Variants in PTP4A2 observed in about 807,000 individuals in gnomAD.
PTP4A2 encodes the protein protein tyrosine phosphatase 4A2.
In PTP4A2, 2 loss-of-function variants were observed where a neutral mutation model predicts 22.9. That is an observed-to-expected ratio of 0.09 (90% confidence interval 0.04 to 0.27). PTP4A2 has a LOEUF of 0.27. Among genes scored for constraint, PTP4A2 ranks in the 10% least tolerant of loss-of-function variants. The probability of loss-of-function intolerance (pLI) is 1.00; values close to 1 mark genes in which losing one functional copy is unlikely to be tolerated. For synonymous variants in PTP4A2, 68 were observed against 69.1 expected (o/e 0.98, Z 0.08); for missense variants, 103 against 205.1 (o/e 0.50, Z 3.04).
At chr1:31,922,640 T>C in intron 1 of PTP4A2, among the ~76,000 whole-genome samples, 1 of 150,180 alleles carries the variant, frequency 6.7e-6, no homozygotes, top group Non-Finnish European at 1.5e-5. Flanking sequence ...CTTTCTTTTA[T>C]TTATTTTGAG....
chr1:31,913,994 G>C, intron 3 of PTP4A2: 1 of 414,378 alleles, frequency 2.4e-6, no homozygotes, highest in South Asian at 1.8e-5. Flanking sequence ...CATTCCCAGT[G>C]ATTTCCAGCA....
intron 1 of PTP4A2, 134 bp downstream of exon 1, chr1:31,937,853 C>G (rs1260936537): frequency 2.0e-5 from 3 of 152,584 alleles, no homozygotes; most frequent in African/African-American, 2.4e-5. Context: ...CTCGCTCCCC[C>G]GCCCCGGCCC....
In PTP4A2 at chr1:31,910,060, C is replaced by T; in HGVS notation, c.373G>A (p.Asp125Asn). The T allele has an allele frequency of 6.2e-7, 1 of 1,613,442 alleles. No homozygotes were observed. The part of the protein sequence containing the change: ...ALIECGMKYE[D>N]AVQFIRQKRR... ...CACTGTCTTATAAACTGAACTGCAT[C>T]TTCGTACTTCATTCCACATTCAATC... Residue 125 changes from aspartate to asparagine, a missense_variant, in exon 5 of 6, where the codon GAT (aspartate) becomes AAT (asparagine). Asp to Asn is a conservative substitution (Grantham distance 23). Around this residue, in one of 3 missense-constraint regions of PTP4A2, gnomAD observed 35 missense variants for 64.5 expected, o/e 0.54. Coordinates refer to ENST00000647444, the MANE Select transcript of PTP4A2 (RefSeq NM_080391.4).
rs548504319 is a variant in PTP4A2 at position 31,921,929 on chromosome 1, A to T, written c.-593-2271T>A. 11 of 152,342 alleles carry T rather than the reference A, an allele frequency of 7.2e-5. No homozygotes were observed. In the East Asian group the frequency reaches 1.9e-3, roughly 27 times the overall value. 9.4% of individuals were successfully genotyped at this position (152,342 alleles called of 1,614,324 possible). On this transcript the variant is annotated intron_variant, in intron 1 of 5. Transcript: ENST00000647444. Reference sequence around the variant, plus strand: ...AAACTAAAATAATATAAAAGACACAAATGAAATTCAAAATGGCATTCTAAG... The same window carrying T: ...AAACTAAAATAATATAAAAGACACATATGAAATTCAAAATGGCATTCTAAG...
rs1651808456 is a variant in PTP4A2, at chr1:31,915,971, C to T, written c.113G>A (p.Gly38Glu). Residue 38 changes from glycine (G) to glutamate (E), a missense_variant, in exon 3 of 6, where the codon GGA becomes GAA. Physicochemically the swap from Gly to Glu is moderately conservative, Grantham distance 98. Around this residue, in one of 3 missense-constraint regions of PTP4A2, gnomAD observed 66 missense variants for 113.0 expected, o/e 0.58. Coordinates refer to ENST00000647444, the MANE Select transcript of PTP4A2 (RefSeq NM_080391.4). ...ACAAACTCGAACCAAAGTCGTCACT[C>T]CATACTTCTTAAGTTCCTTTAAAAA... Reference protein sequence around the residue: ...NKFTEELKKYGVTTLVRVCDA... With the variant: ...NKFTEELKKYEVTTLVRVCDA... The T allele has an allele frequency of 1.3e-6, 2 of 1,586,204 alleles. No individual in the cohort carries two copies. Among genetic ancestry groups the T allele is most frequent in the African/African-American group, 1.4e-5 (1 of 72,738 alleles).
At chr1:31,925,632 C>T (rs567353861) in intron 1 of PTP4A2, among the ~76,000 whole-genome samples, 8 of 151,582 alleles carry the variant, frequency 5.3e-5, no homozygotes, top group Admixed American at 3.9e-4. Flanking sequence ...TGGTGGTGGG[C>T]GCCTGTGGTC....
At chr1:31,920,025 C>T (rs924340809) in intron 1 of PTP4A2, among the ~76,000 whole-genome samples, 1 of 146,750 alleles carries the variant, frequency 6.8e-6, no homozygotes, top group Non-Finnish European at 1.5e-5. Context: ...ACTCAGGAAG[C>T]TGAGGCAGGA....
intron 1 of PTP4A2, among the ~76,000 whole-genome samples, chr1:31,928,696 C>CA (rs1162186046): frequency 0.08 from 4,374 of 54,908 alleles, 328 homozygotes; most frequent in African/African-American, 0.2. Context: ...AACTCTGTCT[C>CA]AAAAAAAAAA....
chr1:31,930,544 T>C (rs1029053697), intron 1 of PTP4A2, among the ~76,000 whole-genome samples: 2 of 152,148 alleles, frequency 1.3e-5, no homozygotes, highest in African/African-American at 4.8e-5. Context: ...CATAAATTAT[T>C]TTGTTTGAGC....
intron 1 of PTP4A2, among the ~76,000 whole-genome samples, chr1:31,923,018 G>A (rs2846800): frequency 2.7e-5 from 4 of 150,422 alleles, no homozygotes; most frequent in Non-Finnish European, 3.0e-5. Context: ...TGCAACCTCC[G>A]CCTCCTGGGT....
chr1:31,906,755 T>TACACACAC lies in PTP4A2; in HGVS notation c.*2089_*2096dup, dbSNP rs140739232. The stretch of plus-strand genomic sequence containing the variant: ...GCGCGTGCACACACACACACACACA[T>TACACACAC]ACACACACACACACACACACACACA... On this transcript the variant is annotated 3_prime_UTR_variant, in exon 6 of 6. Transcript: ENST00000647444. 3.8e-5 allele frequency: 5 copies of TACACACAC among 133,240 alleles called. No individual in the cohort carries two copies. The highest frequency in any genetic ancestry group is 2.3e-4 in the East Asian group (1 of 4,264). 8.3% of individuals were successfully genotyped at this position (133,240 alleles called of 1,614,324 possible). A position where few individuals can be genotyped will look rare whatever the true frequency, so the allele number is the denominator to read the frequency against.
chr1:31,914,239 G>T (rs1263021413), intron 3 of PTP4A2: 4 of 455,210 alleles, frequency 8.8e-6, no homozygotes, highest in Non-Finnish European at 1.8e-5. Context: ...GCTAATTTTT[G>T]TATTTTTCGG....
At chr1:31,914,515 A>G (rs1009404322) in intron 3 of PTP4A2, 1 of 286,318 alleles carries the variant, frequency 3.5e-6, no homozygotes, top group African/African-American at 2.3e-5. Context: ...ACCACTGACC[A>G]ATATAATAAA....
rs1346870280 is a variant in PTP4A2, at chr1:31,907,792, A to T, written c.*1060T>A. On this transcript the variant is annotated 3_prime_UTR_variant, in exon 6 of 6. Transcript: ENST00000647444. Reference sequence around the variant, plus strand: ...ATTCTCTGATACTAGACAGAAAATCAGAGTAACGCTACAGCCCACAATTCT... The same window carrying T: ...ATTCTCTGATACTAGACAGAAAATCTGAGTAACGCTACAGCCCACAATTCT... 4 of 152,104 alleles carry T rather than the reference A, an allele frequency of 2.6e-5. No homozygotes were observed. The highest frequency in any genetic ancestry group is 5.9e-5 in the Non-Finnish European group (4 of 68,026). 9.4% of individuals were successfully genotyped at this position (152,104 alleles called of 1,614,324 possible). A position where few individuals can be genotyped will look rare whatever the true frequency, so the allele number is the denominator to read the frequency against.
chr1:31,928,219 ATAT>A (rs1278032958), intron 1 of PTP4A2, among the ~76,000 whole-genome samples: 5 of 137,826 alleles, frequency 3.6e-5, no homozygotes, highest in African/African-American at 1.3e-4. Context: ...TAATATATAA[ATAT>A]AATAATATAA....
chr1:31,920,913 T>C (rs72664992), intron 1 of PTP4A2, among the ~76,000 whole-genome samples: 7,199 of 152,180 alleles, frequency 0.047, 210 homozygotes, highest in Middle Eastern at 0.099. Context: ...CATATACTCT[T>C]TGGTTAAAAT....
At chr1:31,918,921 G>A in intron 2 of PTP4A2, 49 bp downstream of exon 2, 1 of 1,068,094 alleles carries the variant, frequency 9.4e-7, no homozygotes, top group Non-Finnish European at 1.5e-6. Context: ...TTTTTAATGG[G>A]ATTTTACCTA....
At chr1:31,935,918 C>G (rs902308788) in intron 1 of PTP4A2, among the ~76,000 whole-genome samples, 2 of 151,936 alleles carry the variant, frequency 1.3e-5, no homozygotes, top group African/African-American at 4.8e-5. Flanking sequence ...CCTCAGCCTC[C>G]GGGATAGCTG....
At chr1:31,922,614 C>CTTTCT (rs1553211681) in intron 1 of PTP4A2, among the ~76,000 whole-genome samples, 1 of 148,260 alleles carries the variant, frequency 6.7e-6, no homozygotes, top group Non-Finnish European at 1.5e-5. Context: ...TTCTTTCTTT[C>CTTTCT]TTTCTTTCTT....
Sources: gnomAD v4.1 joint callset for allele counts (sites outside exome capture counted in the v4.1 genomes callset) on GRCh38, gnomAD v4.1.1 for gene constraint, gnomAD v4.1.1 regional missense constraint, MANE v1.5 for transcripts, NCBI Gene and HGNC (gene_info 2026-07-23, HGNC 2026-07-21) for gene names.